The following FMN2 variants were observed in gnomAD, a reference collection of about 807,000 sequenced individuals.
The protein encoded by FMN2 is formin-2.
In FMN2, 51 loss-of-function variants were observed where a neutral mutation model predicts 142.3. The ratio of observed to expected loss-of-function variants is 0.36; its 90% CI spans 0.29 to 0.45. The LOEUF (loss-of-function observed/expected upper bound fraction) is 0.45. Among genes scored for constraint, FMN2 ranks in the 20% least tolerant of loss-of-function variants. FMN2 has a pLI of 1.00. For missense variants in FMN2, 1,936 were observed against 2,122.8 expected, an observed-to-expected ratio of 0.91 and a Z score of 1.73; for synonymous variants, 882 against 869.8, an observed-to-expected ratio of 1.01 and a Z score of -0.25.
chr1:240,169,295 C>T (rs989470078), intron 2 of FMN2, among the ~76,000 whole-genome samples: 3 of 152,148 alleles, frequency 2.0e-5, no homozygotes, highest in Non-Finnish European at 4.4e-5. Flanking sequence ...TGGGCATTTT[C>T]AGTAGTCTTC....
chr1:240,136,565 C>T (rs1195942183), intron 2 of FMN2, among the ~76,000 whole-genome samples: 1 of 151,820 alleles, frequency 6.6e-6, no homozygotes, highest in East Asian at 1.9e-4. Flanking sequence ...TTTTAATCAC[C>T]CATTTGGCAA....
At chr1:240,215,026 C>T (rs1666841116) in intron 6 of FMN2, among the ~76,000 whole-genome samples, 1 of 151,990 alleles carries the variant, frequency 6.6e-6, no homozygotes, top group African/African-American at 2.4e-5. Flanking sequence ...GTGAGAGTAC[C>T]ACTGCACTCC....
chr1:240,380,998 A>C (rs1360939293), intron 14 of FMN2, among the ~76,000 whole-genome samples: 1 of 152,202 alleles, frequency 6.6e-6, no homozygotes, highest in Non-Finnish European at 1.5e-5. Flanking sequence ...AAGTAATGAA[A>C]TTGAGTCAGT....
intron 16 of FMN2, among the ~76,000 whole-genome samples, chr1:240,456,736 G>T (rs12403061): frequency 0.38 from 57,068 of 152,052 alleles, 11,342 homozygotes; most frequent in East Asian, 0.53. Context: ...AATCGTAGGC[G>T]TGAGCCACTG....
chr1:240,095,625 C>T (rs1005416640), intron 1 of FMN2, among the ~76,000 whole-genome samples: 1 of 151,928 alleles, frequency 6.6e-6, no homozygotes, highest in African/African-American at 2.4e-5. Flanking sequence ...ATCACGGATG[C>T]AGTGGCTTAT....
At chr1:240,427,802 C>G (rs961483021) in intron 15 of FMN2, among the ~76,000 whole-genome samples, 2 of 152,106 alleles carry the variant, frequency 1.3e-5, no homozygotes, top group African/African-American at 4.8e-5. Flanking sequence ...AATATTTTGG[C>G]AAAATTACTT....
intron 1 of FMN2, among the ~76,000 whole-genome samples, chr1:240,098,683 C>G (rs568435824): frequency 6.6e-6 from 1 of 152,134 alleles, no homozygotes; most frequent in Non-Finnish European, 1.5e-5. Flanking sequence ...AAGCGGGGAC[C>G]AGAACACTGA....
chr1:240,142,529 G>GA, intron 2 of FMN2: 1 of 576,198 alleles, frequency 1.7e-6, no homozygotes, highest in South Asian at 4.0e-5. Context: ...GGTCTTTATT[G>GA]AACAACCTTA....
chr1:240,405,492 C>G (rs952186669), intron 15 of FMN2, among the ~76,000 whole-genome samples: 2 of 152,088 alleles, frequency 1.3e-5, no homozygotes, highest in Non-Finnish European at 2.9e-5. Context: ...GTGGCACATG[C>G]CTGTAATCCC....
chr1:240,357,957 T>C (rs1197768508), intron 14 of FMN2, among the ~76,000 whole-genome samples: 1 of 152,118 alleles, frequency 6.6e-6, no homozygotes, highest in African/African-American at 2.4e-5. Flanking sequence ...TAACTTTTTT[T>C]TTAATACTTC....
At chr1:240,355,742 T>C (rs958379178) in intron 13 of FMN2, 74 bp from the exon 14 acceptor site, 1 of 1,001,326 alleles carries the variant, frequency 1.0e-6, no homozygotes, top group Admixed American at 1.9e-5. Flanking sequence ...TAACATTAGC[T>C]AAGATGTTTT....
intron 16 of FMN2, among the ~76,000 whole-genome samples, chr1:240,444,786 A>G (rs2883926): frequency 0.22 from 33,893 of 152,172 alleles, 4,743 homozygotes; most frequent in African/African-American, 0.39. Context: ...CAAGTGAACT[A>G]CATGTTCAGA....
intron 14 of FMN2, among the ~76,000 whole-genome samples, chr1:240,360,977 C>T (rs1404343687): frequency 4.7e-5 from 7 of 147,738 alleles, no homozygotes; most frequent in Admixed American, 1.4e-4. Flanking sequence ...GTTGTGGGGT[C>T]GGGAGAGGGG....
At chr1:240,280,624 A>G (rs896269901) in intron 7 of FMN2, among the ~76,000 whole-genome samples, 3 of 152,206 alleles carry the variant, frequency 2.0e-5, no homozygotes, top group African/African-American at 7.2e-5. Context: ...GTTATGCCCA[A>G]TAAAGGACAT....
intron 2 of FMN2, among the ~76,000 whole-genome samples, chr1:240,165,744 C>T (rs1238997917): frequency 6.6e-6 from 1 of 151,826 alleles, no homozygotes; most frequent in East Asian, 1.9e-4. Context: ...TCCAAGATCA[C>T]CTTGAGGTAT....
At chr1:240,463,073 T>C (rs1031730412) in intron 16 of FMN2, among the ~76,000 whole-genome samples, 2 of 152,244 alleles carry the variant, frequency 1.3e-5, no homozygotes, top group Non-Finnish European at 2.9e-5. Context: ...AGTCTGCAAA[T>C]GGCCTCGCAG....
intron 7 of FMN2, among the ~76,000 whole-genome samples, chr1:240,271,359 A>G (rs1259963734): frequency 1.3e-5 from 2 of 151,368 alleles, no homozygotes; most frequent in African/African-American, 4.9e-5. Flanking sequence ...TAATAGTCTC[A>G]AAAATTAGGC....
chr1:240,416,731 A>T (rs1674588258), intron 15 of FMN2, among the ~76,000 whole-genome samples: 1 of 149,744 alleles, frequency 6.7e-6, no homozygotes, highest in African/African-American at 2.5e-5. Context: ...AGAACCAGAA[A>T]TTTTGATTTG....
chr1:240,228,698 G>A (rs1667432958), intron 6 of FMN2, among the ~76,000 whole-genome samples: 2 of 152,022 alleles, frequency 1.3e-5, no homozygotes, highest in South Asian at 4.2e-4. Flanking sequence ...AATTTTGCTG[G>A]TAGCACTTGT....
Sources: gnomAD v4.1 joint callset for allele counts (sites outside exome capture counted in the v4.1 genomes callset) on GRCh38, gnomAD v4.1.1 for gene constraint, MANE v1.5 for transcripts, NCBI Gene and HGNC (gene_info 2026-07-23, HGNC 2026-07-21) for gene names.